Variants in ITGB5 observed in about 807,000 individuals in gnomAD.
The protein encoded by ITGB5 is integrin subunit beta 5, also known as integrin beta-5.
A neutral mutation model predicts 84.8 loss-of-function variants in ITGB5; 38 were observed. The observed-to-expected ratio is 0.45, with a 90% confidence interval of 0.35 to 0.59. The LOEUF (loss-of-function observed/expected upper bound fraction) is 0.59, where lower values mean the gene tolerates loss of function less well. ITGB5 is among the 20% of genes least tolerant of loss of function. The probability of loss-of-function intolerance (pLI) is 0.01; values close to 1 mark genes in which losing one functional copy is unlikely to be tolerated. For synonymous variants in ITGB5, 393 were observed against 414.4 expected (o/e 0.95, Z 0.63); for missense variants, 905 against 1,034.5 (o/e 0.87, Z 1.72).
intron 1 of ITGB5, among the ~76,000 whole-genome samples, chr3:124,899,560 T>C (rs1935178235): frequency 6.6e-6 from 1 of 151,806 alleles, no homozygotes; most frequent in African/African-American, 2.4e-5. Context: ...TCTGGGGTAA[T>C]AAATGAGAAG....
chr3:124,766,998 A>G (rs573366802), intron 12 of ITGB5, among the ~76,000 whole-genome samples: 2 of 152,328 alleles, frequency 1.3e-5, no homozygotes, highest in Admixed American at 6.5e-5. Context: ...AAGCTGCCTC[A>G]GCAACTCCCT....
chr3:124,830,124 T>C (rs1704949406), intron 5 of ITGB5, among the ~76,000 whole-genome samples: 1 of 152,214 alleles, frequency 6.6e-6, no homozygotes, highest in African/African-American at 2.4e-5. Flanking sequence ...CTGGTTTCAC[T>C]AGTTTGAGGA....
intron 9 of ITGB5, among the ~76,000 whole-genome samples, chr3:124,802,255 C>T (rs975039501): frequency 7.2e-5 from 11 of 152,212 alleles, no homozygotes; most frequent in African/African-American, 2.4e-4. Context: ...GATGTCAGCA[C>T]AGTCACTGGC....
intron 10 of ITGB5, among the ~76,000 whole-genome samples, chr3:124,779,546 C>G (rs1468638061): frequency 6.6e-6 from 1 of 152,116 alleles, no homozygotes; most frequent in African/African-American, 2.4e-5. Flanking sequence ...CAGTGGAGAA[C>G]AGAGCTGGGC....
chr3:124,875,375 G>T (rs1367077906), intron 1 of ITGB5, among the ~76,000 whole-genome samples: 1 of 151,450 alleles, frequency 6.6e-6, no homozygotes, highest in Non-Finnish European at 1.5e-5. Context: ...TACTTGAGAG[G>T]CTGAGGCACG....
chr3:124,873,909 A>C (rs1307613976), intron 1 of ITGB5, among the ~76,000 whole-genome samples: 2 of 152,178 alleles, frequency 1.3e-5, no homozygotes, highest in East Asian at 3.9e-4. Flanking sequence ...CATTGGTTTT[A>C]TTCAAGAATT....
intron 1 of ITGB5, chr3:124,878,533 C>T (rs1275814032): frequency 6.6e-6 from 1 of 151,448 alleles, no homozygotes; most frequent in Non-Finnish European, 1.5e-5. Flanking sequence ...AGAAACTCTG[C>T]ACTTAACACA....
chr3:124,830,484 G>A (rs1206265100), intron 5 of ITGB5, among the ~76,000 whole-genome samples: 2 of 152,246 alleles, frequency 1.3e-5, no homozygotes, highest in Non-Finnish European at 2.9e-5. Flanking sequence ...CAGGCTCCAA[G>A]GGGCTACAAC....
intron 2 of ITGB5, among the ~76,000 whole-genome samples, chr3:124,869,340 C>T (rs1199805903): frequency 6.6e-6 from 1 of 152,226 alleles, no homozygotes; most frequent in Non-Finnish European, 1.5e-5. Flanking sequence ...CTTTGGGAGG[C>T]AGAGGCAGGC....
intron 3 of ITGB5, among the ~76,000 whole-genome samples, chr3:124,852,320 C>G (rs1437608053): frequency 6.6e-6 from 1 of 152,034 alleles, no homozygotes; most frequent in African/African-American, 2.4e-5. Flanking sequence ...TGGGGCTGTT[C>G]CACGTAATTC....
chr3:124,785,513 A>C (rs2064068500), intron 10 of ITGB5, among the ~76,000 whole-genome samples: 1 of 149,600 alleles, frequency 6.7e-6, no homozygotes, highest in East Asian at 2.0e-4. Context: ...TGAACCCGGG[A>C]GGCAGAGGTT....
At chr3:124,846,482 T>C (rs1276243440) in intron 4 of ITGB5, among the ~76,000 whole-genome samples, 3 of 151,498 alleles carry the variant, frequency 2.0e-5, no homozygotes, top group Admixed American at 2.0e-4. Flanking sequence ...CACTGAGATT[T>C]GGAGACTCTA....
At chr3:124,832,728 A>G (rs2064877422) in intron 5 of ITGB5, 1 of 152,260 alleles carries the variant, frequency 6.6e-6, no homozygotes, top group Non-Finnish European at 1.5e-5. Context: ...TGCATTCCCC[A>G]CAGCACCTAA....
intron 2 of ITGB5, among the ~76,000 whole-genome samples, chr3:124,872,385 G>C (rs561800124): frequency 5.9e-5 from 9 of 152,282 alleles, no homozygotes; most frequent in African/African-American, 2.2e-4. Flanking sequence ...ACACCCACCT[G>C]ACAGAGCTAT....
chr3:124,883,507 A>T (rs1172840714), intron 1 of ITGB5, among the ~76,000 whole-genome samples: 2 of 152,172 alleles, frequency 1.3e-5, no homozygotes, highest in African/African-American at 2.4e-5. Flanking sequence ...GTCAGCTCTA[A>T]ACCTGTGCCT....
At chr3:124,783,345 T>C (rs1311278714) in intron 10 of ITGB5, among the ~76,000 whole-genome samples, 1 of 147,052 alleles carries the variant, frequency 6.8e-6, no homozygotes, top group Non-Finnish European at 1.5e-5. Context: ...GACCTGAGCA[T>C]GTTCAAAAGC....
chr3:124,764,124 A>G (rs2063732672), intron 14 of ITGB5, among the ~76,000 whole-genome samples: 1 of 152,132 alleles, frequency 6.6e-6, no homozygotes, highest in Non-Finnish European at 1.5e-5. Flanking sequence ...TCTCTCTGAG[A>G]CTGGTCAGAC....
At chr3:124,800,045 C>A (rs936971524) in intron 9 of ITGB5, among the ~76,000 whole-genome samples, 1 of 152,128 alleles carries the variant, frequency 6.6e-6, no homozygotes, top group Non-Finnish European at 1.5e-5. Flanking sequence ...GGGGCAGATG[C>A]CATCCCTCCC....
chr3:124,896,476 T>A (rs1275724797), intron 1 of ITGB5, among the ~76,000 whole-genome samples: 1 of 152,090 alleles, frequency 6.6e-6, no homozygotes, highest in Non-Finnish European at 1.5e-5. Context: ...GGGCTGAGTG[T>A]GGTGCCTCAT....
Sources: allele counts gnomAD v4.1 joint callset (sites outside exome capture counted in the v4.1 genomes callset), GRCh38; gene constraint gnomAD v4.1.1; transcripts MANE v1.5; gene names NCBI Gene and HGNC (gene_info 2026-07-23, HGNC 2026-07-21).